The following GRIK1 variants were observed in gnomAD, a reference collection of about 807,000 sequenced individuals.
GRIK1 encodes glutamate ionotropic receptor kainate type subunit 1, also known as glutamate receptor ionotropic, kainate 1.
A neutral mutation model predicts 105.7 loss-of-function variants in GRIK1; 69 were observed. That is an observed-to-expected ratio of 0.65 (90% CI 0.54 to 0.80). GRIK1 has a LOEUF of 0.80. GRIK1 is among the 30% of genes least tolerant of loss of function. The pLI is 0.00. For missense variants in GRIK1, 1,109 were observed against 1,167.3 expected (o/e 0.95, Z 0.73); for synonymous variants, 438 against 431.3 (o/e 1.02, Z -0.19).
intron 1 of GRIK1, among the ~76,000 whole-genome samples, chr21:29,806,817 C>A (rs453171): frequency 0.16 from 24,424 of 152,010 alleles, 1,962 homozygotes; most frequent in Non-Finnish European, 0.17. Flanking sequence ...AGAACAATGA[C>A]GACATTCATA....
chr21:29,618,909 C>T (rs929747840), intron 7 of GRIK1, among the ~76,000 whole-genome samples: 1 of 151,940 alleles, frequency 6.6e-6, no homozygotes, highest in African/African-American at 2.4e-5. Flanking sequence ...GGGCAGATCA[C>T]GAGGTCAGGA....
intron 1 of GRIK1, among the ~76,000 whole-genome samples, chr21:29,833,650 C>T (rs2068109723): frequency 6.6e-6 from 1 of 152,092 alleles, no homozygotes; most frequent in African/African-American, 2.4e-5. Context: ...GTCATCAGAA[C>T]AGCAAAGGGG....
chr21:29,786,460 C>T (rs1211312387), intron 1 of GRIK1, among the ~76,000 whole-genome samples: 2 of 151,698 alleles, frequency 1.3e-5, no homozygotes, highest in Non-Finnish European at 2.9e-5. Context: ...TTTTTGAGGG[C>T]CACCTTCGAC....
At chr21:29,592,926 G>A (rs902790486) in intron 9 of GRIK1, among the ~76,000 whole-genome samples, 1 of 152,160 alleles carries the variant, frequency 6.6e-6, no homozygotes, top group African/African-American at 2.4e-5. Flanking sequence ...GCTATGCTTG[G>A]TCCCTAAATA....
intron 14 of GRIK1, among the ~76,000 whole-genome samples, chr21:29,568,780 T>C (rs2090669995): frequency 6.6e-6 from 1 of 152,238 alleles, no homozygotes; most frequent in Admixed American, 6.5e-5. Flanking sequence ...TCATACCTCT[T>C]GTCTCTGTAT....
intron 1 of GRIK1, among the ~76,000 whole-genome samples, chr21:29,739,970 A>G (rs1346157249): frequency 6.6e-6 from 1 of 152,194 alleles, no homozygotes; most frequent in Non-Finnish European, 1.5e-5. Context: ...ACACACATGC[A>G]CATGCACACA....
At chr21:29,710,805 T>TTCCC in intron 1 of GRIK1, among the ~76,000 whole-genome samples, 1 of 80,092 alleles carries the variant, frequency 1.2e-5, no homozygotes, top group African/African-American at 6.4e-5. Context: ...CCTTCCTTCC[T>TTCCC]TCCTTCCTTC....
At chr21:29,863,623 C>T (rs372136354) in intron 1 of GRIK1, among the ~76,000 whole-genome samples, 1 of 152,122 alleles carries the variant, frequency 6.6e-6, no homozygotes, top group African/African-American at 2.4e-5. Context: ...TTAGAAACCA[C>T]GGACCTGCTT....
intron 1 of GRIK1, among the ~76,000 whole-genome samples, chr21:29,723,176 ATT>A (rs1369820554): frequency 1.3e-5 from 2 of 152,224 alleles, no homozygotes; most frequent in Non-Finnish European, 2.9e-5. Context: ...ACTAGCTAAA[ATT>A]TATAGTTTGG....
chr21:29,787,491 G>A (rs1313735571), intron 1 of GRIK1, among the ~76,000 whole-genome samples: 1 of 152,162 alleles, frequency 6.6e-6, no homozygotes, highest in Admixed American at 6.5e-5. Context: ...TTGATTCTCT[G>A]TAACTTTTCT....
intron 12 of GRIK1, among the ~76,000 whole-genome samples, chr21:29,583,468 C>T (rs922855651): frequency 5.3e-5 from 8 of 151,924 alleles, no homozygotes; most frequent in South Asian, 2.1e-4. Flanking sequence ...TCAAACAGAC[C>T]GTAAGACTTG....
intron 3 of GRIK1, among the ~76,000 whole-genome samples, chr21:29,684,241 GA>G (rs1164355504): frequency 6.6e-6 from 1 of 150,606 alleles, no homozygotes; most frequent in Non-Finnish European, 1.5e-5. Context: ...TGAAACAAGG[GA>G]ATCTATCATC....
intron 1 of GRIK1, among the ~76,000 whole-genome samples, chr21:29,881,202 G>A (rs926402811): frequency 6.6e-6 from 1 of 152,082 alleles, no homozygotes; most frequent in African/African-American, 2.4e-5. Context: ...TTCCCTCTTA[G>A]TATAGCTTTG....
intron 1 of GRIK1, among the ~76,000 whole-genome samples, chr21:29,861,469 C>T (rs1163800655): frequency 1.3e-5 from 2 of 152,012 alleles, no homozygotes; most frequent in East Asian, 1.9e-4. Context: ...CTAAGCCTGG[C>T]TGATTTTTGT....
chr21:29,721,398 C>A (rs1027388359), intron 1 of GRIK1, among the ~76,000 whole-genome samples: 1 of 151,982 alleles, frequency 6.6e-6, no homozygotes, highest in Non-Finnish European at 1.5e-5. Flanking sequence ...AGAGACCAGC[C>A]GCTTTCTCTT....
intron 14 of GRIK1, among the ~76,000 whole-genome samples, chr21:29,569,234 G>A (rs760018721): frequency 1.3e-5 from 2 of 152,134 alleles, no homozygotes; most frequent in Non-Finnish European, 2.9e-5. Context: ...ATAGCTAGAG[G>A]TAAGGGTTGA....
At chr21:29,926,827 T>C (rs1026462156) in intron 1 of GRIK1, among the ~76,000 whole-genome samples, 11 of 152,298 alleles carry the variant, frequency 7.2e-5, no homozygotes, top group Admixed American at 7.2e-4. Flanking sequence ...AACAGTTTTG[T>C]TGTGTTTTCT....
intron 14 of GRIK1, among the ~76,000 whole-genome samples, chr21:29,564,412 G>T (rs1429154590): frequency 6.6e-6 from 1 of 152,166 alleles, no homozygotes; most frequent in Admixed American, 6.5e-5. Context: ...CTCCCAAAGT[G>T]CTGGGATTAC....
chr21:29,766,288 C>A (rs749571675), intron 1 of GRIK1, among the ~76,000 whole-genome samples: 1 of 152,016 alleles, frequency 6.6e-6, no homozygotes, highest in Non-Finnish European at 1.5e-5. Flanking sequence ...TTATTGTCTC[C>A]ACCCCTAGCT....
Sources: gnomAD v4.1 joint callset for allele counts (sites outside exome capture counted in the v4.1 genomes callset) on GRCh38, gnomAD v4.1.1 for gene constraint, MANE v1.5 for transcripts, NCBI Gene and HGNC (gene_info 2026-07-23, HGNC 2026-07-21) for gene names.